SCAI: variants seen among roughly 807,000 people sequenced by gnomAD.
SCAI encodes suppressor of cancer cell invasion, also known as protein SCAI.
SCAI carries 24 observed loss-of-function variants against 92.2 expected under a neutral mutation model. The ratio of observed to expected loss-of-function variants is 0.26; its 90% confidence interval spans 0.19 to 0.37. The LOEUF is 0.37. Ranked by LOEUF, SCAI falls within the 10% of genes least tolerant of loss-of-function variation. SCAI has a pLI of 1.00. For synonymous variants in SCAI, 261 were observed against 258.6 expected (o/e 1.01, Z -0.09); for missense variants, 450 against 736.2 (o/e 0.61, Z 4.50).
At chr9:125,003,083 C>A (rs763382634) in intron 11 of SCAI, 31 bp downstream of exon 11, 1 of 1,395,352 alleles carries the variant, frequency 7.2e-7, no homozygotes, top group Non-Finnish European at 1.0e-6. Flanking sequence ...ACACTTTCAC[C>A]TCATAGTAAA....
At chr9:124,971,315 G>C in intron 17 of SCAI, 55 bp downstream of exon 17, 3 of 938,884 alleles carry the variant, frequency 3.2e-6, no homozygotes, top group Non-Finnish European at 5.0e-6. Context: ...TATAATACAT[G>C]GTTCTTAAAT....
At chr9:125,089,566 C>A (rs1349736925) in intron 2 of SCAI, among the ~76,000 whole-genome samples, 1 of 152,204 alleles carries the variant, frequency 6.6e-6, no homozygotes, top group East Asian at 1.9e-4. Context: ...AAGGCAGAAT[C>A]TTAGGCCCCA....
At chr9:124,954,077 C>T (rs898641257) in intron 17 of SCAI, among the ~76,000 whole-genome samples, 2 of 151,028 alleles carry the variant, frequency 1.3e-5, no homozygotes, top group African/African-American at 4.9e-5. Flanking sequence ...TGAGCTCAAC[C>T]AATCTACACG....
At chr9:125,080,729 C>T (rs1834197500) in intron 2 of SCAI, among the ~76,000 whole-genome samples, 1 of 152,152 alleles carries the variant, frequency 6.6e-6, no homozygotes, top group Non-Finnish European at 1.5e-5. Flanking sequence ...CATTATGTCA[C>T]AGAAAGTGCC....
At chr9:125,127,579 C>T (rs760459406) in intron 2 of SCAI, among the ~76,000 whole-genome samples, 4 of 152,112 alleles carry the variant, frequency 2.6e-5, no homozygotes, top group African/African-American at 9.7e-5. Context: ...ATTGTTAATA[C>T]TTTTTGCTTA....
intron 2 of SCAI, chr9:125,066,155 T>C (rs1833864815): frequency 5.0e-6 from 3 of 597,322 alleles, no homozygotes; most frequent in South Asian, 4.7e-5. Flanking sequence ...AGAATCTATA[T>C]GTAATTATCA....
chr9:125,138,665 T>C (rs773258812), intron 2 of SCAI, among the ~76,000 whole-genome samples: 3 of 152,086 alleles, frequency 2.0e-5, no homozygotes, highest in African/African-American at 4.8e-5. Flanking sequence ...CCGCCCGCCT[T>C]GGCCTCCCAA....
intron 6 of SCAI, among the ~76,000 whole-genome samples, chr9:125,022,386 C>T (rs1421812722): frequency 6.6e-6 from 1 of 152,116 alleles, no homozygotes; most frequent in Non-Finnish European, 1.5e-5. Context: ...GTCTCATTAT[C>T]TTTCTCTGTC....
At chr9:125,053,458 C>T (rs1833604054) in intron 3 of SCAI, among the ~76,000 whole-genome samples, 1 of 152,106 alleles carries the variant, frequency 6.6e-6, no homozygotes, top group African/African-American at 2.4e-5. Flanking sequence ...GTGATAAATC[C>T]TTACAATGGA....
chr9:125,039,004 C>G (rs1321111591), intron 3 of SCAI, among the ~76,000 whole-genome samples: 1 of 152,190 alleles, frequency 6.6e-6, no homozygotes, highest in Non-Finnish European at 1.5e-5. Context: ...GCCAACTGAT[C>G]TTTACTCATT....
Position 125,025,267 on chromosome 9 carries a change from T to C in SCAI, c.512+1545A>G, listed in dbSNP as rs186029662. On this transcript the variant is annotated intron_variant, in intron 6 of 17. Transcript: ENST00000336505. ...CACAAAGCAAGAGTTTTTGTCATCC[T>C]GATTCCAAATAATCCTACTTCTAAA... Among the ~76,000 whole-genome samples the C allele has an allele frequency of 9.1e-4, 138 of 152,348 alleles. 1 individual carries two copies. The highest frequency in any genetic ancestry group is 1.0e-3 in the Non-Finnish European group (71 of 68,028).
intron 5 of SCAI, 115 bp from the exon 6 acceptor site, chr9:125,027,025 T>C: frequency 2.1e-6 from 1 of 478,392 alleles, no homozygotes. Context: ...GGGGTGGGAA[T>C]GACTGTCCTA....
intron 2 of SCAI, chr9:125,066,111 T>C (rs1046259576): frequency 3.1e-5 from 21 of 676,890 alleles, no homozygotes; most frequent in African/African-American, 2.9e-4. Flanking sequence ...TTATTATTTG[T>C]ACATAACATG....
In SCAI at chr9:124,989,295, T is replaced by C. The variant is rs764622299; in HGVS notation, c.1326+5639A>G. 4.6e-5 allele frequency among the ~76,000 whole-genome samples: 7 copies of C among 152,120 alleles called. No individual in the cohort carries two copies. The South Asian group carries it at 6.2e-4, about 14-fold the overall frequency. ...AATGCTTCATGCTTCTTAAGAAATATTGGGCTCGGCGCCGTGGCTCAGGCT... is the reference window on the plus strand; with the variant it reads ...AATGCTTCATGCTTCTTAAGAAATACTGGGCTCGGCGCCGTGGCTCAGGCT... On this transcript the variant is annotated intron_variant, in intron 14 of 17. Coordinates refer to ENST00000336505, the MANE Select transcript of SCAI (RefSeq NM_001144877.3).
chr9:125,143,089 C>T (rs1235392091), intron 1 of SCAI, among the ~76,000 whole-genome samples: 1 of 151,052 alleles, frequency 6.6e-6, no homozygotes, highest in Non-Finnish European at 1.5e-5. Flanking sequence ...CCCGGCGACC[C>T]CCGCATTCCA....
Position 124,945,336 on chromosome 9 carries a change from A to G in SCAI, c.*7471T>C, listed in dbSNP as rs1489897291. On this transcript the variant is annotated 3_prime_UTR_variant, in exon 18 of 18. Transcript: ENST00000336505. ...TTTGGGAGGCCGAGGCGGGTGGATCACTTGAGGTCAGGAGTTCGAGACCAA... is the reference window on the plus strand; with the variant it reads ...TTTGGGAGGCCGAGGCGGGTGGATCGCTTGAGGTCAGGAGTTCGAGACCAA... 6.6e-6 allele frequency: 1 copy of G among 152,088 alleles called. No homozygotes were observed. The highest frequency in any genetic ancestry group is 1.5e-5 in the Non-Finnish European group (1 of 68,028). The allele number at this position is 152,088 out of a possible 1,614,324, so 9.4% of individuals were successfully genotyped here.
intron 3 of SCAI, 53 bp downstream of exon 3, chr9:125,055,823 A>G (rs1833651566): frequency 2.0e-6 from 3 of 1,500,036 alleles, no homozygotes; most frequent in African/African-American, 1.4e-5. Flanking sequence ...TCAGCCAGAA[A>G]AAAAACAAAT....
rs1272747274 is a variant in SCAI at position 124,950,594 on chromosome 9, CTGTTACTAAAGGAAAGCTA to C, written c.*2194_*2212del. The C allele has an allele frequency of 6.6e-6, 1 of 151,854 alleles. No individual in the cohort carries two copies. Among genetic ancestry groups the C allele is most frequent in the Admixed American group, 6.6e-5 (1 of 15,234 alleles). The allele number at this position is 151,854 out of a possible 1,614,324, so 9.4% of individuals were successfully genotyped here. A position where few individuals can be genotyped will look rare whatever the true frequency, so the allele number is the denominator to read the frequency against. On this transcript the variant is annotated 3_prime_UTR_variant, in exon 18 of 18. Coordinates refer to ENST00000336505, the MANE Select transcript of SCAI (RefSeq NM_001144877.3). ...GTCTATTGCTGTAGTTCAATGAACA[CTGTTACTAAAGGAAAGCTA>C]TGAAGTTTATTAAGATACTGAAAAA...
At chr9:124,986,303 AAATAG>A (rs1391707038) in intron 14 of SCAI, among the ~76,000 whole-genome samples, 1 of 152,216 alleles carries the variant, frequency 6.6e-6, no homozygotes, top group African/African-American at 2.4e-5. Flanking sequence ...AAATAAAATA[AAATAG>A]AAAAGGGCAA....
Sources: allele counts gnomAD v4.1 joint callset (sites outside exome capture counted in the v4.1 genomes callset), GRCh38; gene constraint gnomAD v4.1.1; transcripts MANE v1.5; gene names NCBI Gene and HGNC (gene_info 2026-07-23, HGNC 2026-07-21).